The following POGLUT1 variants were observed in gnomAD, a reference collection of about 807,000 sequenced individuals.
POGLUT1 encodes the protein protein O-glucosyltransferase 1.
Under a neutral mutation model 61.3 loss-of-function variants are expected in POGLUT1, and 32 were observed. The observed-to-expected ratio is 0.52, with a 90% CI of 0.39 to 0.70. The LOEUF is 0.70. POGLUT1 is among the 30% of genes least tolerant of loss of function. The pLI is 0.00. For synonymous variants in POGLUT1, 158 were observed against 158.2 expected, an observed-to-expected ratio of 1.00 and a Z score of 0.01; for missense variants, 411 against 469.8, an observed-to-expected ratio of 0.87 and a Z score of 1.16.
intron 3 of POGLUT1, 93 bp downstream of exon 3, chr3:119,471,545 C>A: frequency 1.8e-6 from 2 of 1,085,730 alleles, no homozygotes; most frequent in Non-Finnish European, 2.8e-6. Flanking sequence ...GACTAACAAG[C>A]AGATCCCTCC....
chr3:119,469,384 T>C, intron 1 of POGLUT1: 1 of 570,944 alleles, frequency 1.8e-6, no homozygotes, highest in East Asian at 3.0e-5. Context: ...CGTGCTTGGC[T>C]ACTCTGGACC....
At chr3:119,486,364 G>T (rs927262797) in intron 6 of POGLUT1, among the ~76,000 whole-genome samples, 1 of 152,066 alleles carries the variant, frequency 6.6e-6, no homozygotes, top group Admixed American at 6.5e-5. Context: ...ACATACAGTC[G>T]TCAGGTTTTT....
chr3:119,479,877 C>T (rs1261514753), intron 4 of POGLUT1, 174 bp from the exon 5 acceptor site: 1 of 1,477,530 alleles, frequency 6.8e-7, no homozygotes, highest in Admixed American at 2.0e-5. Context: ...ACTTTTAATC[C>T]ATAGTCACTT....
At chr3:119,492,202 C>A in intron 10 of POGLUT1, 80 bp from the exon 11 acceptor site, 1 of 1,012,502 alleles carries the variant, frequency 9.9e-7, no homozygotes, top group Non-Finnish European at 1.4e-6. Context: ...ATGCTTGGCA[C>A]AAGGTGAGCA....
rs1468926334 is a variant in POGLUT1, at chr3:119,469,041, C to T, written c.20C>T (p.Ser7Leu). The change falls in exon 1 of 11, where the codon TCG becomes TTG. Residue 7 changes from serine to leucine, a missense_variant. Ser to Leu is a moderately radical substitution (Grantham distance 145). Coordinates refer to ENST00000295588, the MANE Select transcript of POGLUT1 (RefSeq NM_152305.3). ...CCGGCGATGGAGTGGTGGGCTAGCT[C>T]GCCGCTTCGGCTCTGGCTGCTGTTG... MEWWAS[S>L]PLRLWLLLFL... 4 of 1,609,086 alleles carry T rather than the reference C, an allele frequency of 2.5e-6. No individual in the cohort carries two copies. Among genetic ancestry groups the T allele is most frequent in the East Asian group, 2.2e-5 (1 of 44,708 alleles).
chr3:119,473,468 A>G (rs1321141207), intron 3 of POGLUT1, among the ~76,000 whole-genome samples: 1 of 152,176 alleles, frequency 6.6e-6, no homozygotes, highest in Non-Finnish European at 1.5e-5. Context: ...TTAGCAATAA[A>G]ATAATATATA....
chr3:119,471,919 G>A (rs1207868899), intron 3 of POGLUT1: 1 of 171,746 alleles, frequency 5.8e-6, no homozygotes, highest in Admixed American at 6.3e-5. Flanking sequence ...ACTTTGTGGT[G>A]GATTACTTGA....
At chr3:119,486,571 C>G (rs1429399103) in intron 6 of POGLUT1, among the ~76,000 whole-genome samples, 3 of 152,090 alleles carry the variant, frequency 2.0e-5, no homozygotes, top group Non-Finnish European at 4.4e-5. Context: ...CTATAGTGAC[C>G]TGAACAACAT....
chr3:119,477,574 G>T (rs2081553989), intron 4 of POGLUT1, 126 bp downstream of exon 4: 3 of 854,902 alleles, frequency 3.5e-6, no homozygotes, highest in African/African-American at 3.4e-5. Flanking sequence ...CCAGAAATGG[G>T]TCTGTGTCTC....
chr3:119,485,428 G>A (rs1417016398), intron 6 of POGLUT1, 41 bp downstream of exon 6: 1 of 1,361,560 alleles, frequency 7.3e-7, no homozygotes, highest in Non-Finnish European at 1.0e-6. Flanking sequence ...ATTCTTCCAA[G>A]TAATGTAAAA....
chr3:119,491,733 C>T (rs539853572), intron 10 of POGLUT1, among the ~76,000 whole-genome samples, 159 bp downstream of exon 10: 17 of 152,268 alleles, frequency 1.1e-4, no homozygotes, highest in Admixed American at 5.9e-4. Flanking sequence ...GGAAAACATA[C>T]ACACATGTCT....
chr3:119,478,951 G>A (rs774783287), intron 4 of POGLUT1, among the ~76,000 whole-genome samples: 2 of 151,036 alleles, frequency 1.3e-5, no homozygotes, highest in Non-Finnish European at 2.9e-5. Flanking sequence ...TTGAGGCAGA[G>A]TCTCACTCTG....
chr3:119,470,975 T>C (rs1320281498), intron 2 of POGLUT1, among the ~76,000 whole-genome samples: 1 of 151,912 alleles, frequency 6.6e-6, no homozygotes, highest in Non-Finnish European at 1.5e-5. Context: ...TCCTGTGGGA[T>C]TGGGAGGAGA....
chr3:119,471,527 A>G (rs936158749), intron 3 of POGLUT1, 75 bp downstream of exon 3: 3 of 1,299,404 alleles, frequency 2.3e-6, no homozygotes, highest in African/African-American at 1.5e-5. Context: ...AGAGGAGCCA[A>G]TTCATGGGAC....
intron 2 of POGLUT1, among the ~76,000 whole-genome samples, chr3:119,470,466 C>T (rs1288630453): frequency 6.6e-6 from 1 of 152,206 alleles, no homozygotes; most frequent in East Asian, 1.9e-4. Flanking sequence ...ATCCCAGCTA[C>T]TCGGGAGGCT....
intron 3 of POGLUT1, among the ~76,000 whole-genome samples, chr3:119,476,050 G>A (rs2081534202): frequency 6.6e-6 from 1 of 151,706 alleles, no homozygotes; most frequent in African/African-American, 2.4e-5. Context: ...CAGCTACTCA[G>A]GAGGCTGAGG....
intron 3 of POGLUT1, among the ~76,000 whole-genome samples, chr3:119,473,731 G>A (rs899344997): frequency 1.8e-4 from 27 of 151,504 alleles, no homozygotes; most frequent in Admixed American, 1.3e-3. Context: ...TGTGATCTCG[G>A]CTCACTGCAA....
rs2081471398 is a variant in POGLUT1 at position 119,471,378 on chromosome 3, A to G, written c.246A>G (p.Arg82=). 1 of 1,613,966 alleles carries G rather than the reference A, an allele frequency of 6.2e-7. No homozygotes were observed. The change falls in exon 3 of 11, where the codon AGA becomes AGG. Residue 82 remains arginine (R), a synonymous_variant. Coordinates refer to ENST00000295588, the MANE Select transcript of POGLUT1 (RefSeq NM_152305.3). ...GGAAGATGATGGCAGAGGTAGTCAG[A>G]CGGAAGCTAGGGACCCACTATCAGA... is the stretch of plus-strand genomic sequence containing the variant. ...ISRKMMAEVV[R]RKLGTHYQIT... is the part of the protein sequence containing the mutation.
intron 3 of POGLUT1, among the ~76,000 whole-genome samples, chr3:119,476,672 A>T (rs35282209): frequency 0.15 from 22,095 of 152,224 alleles, 2,007 homozygotes; most frequent in Non-Finnish European, 0.2. Flanking sequence ...AAACAAGCTA[A>T]ACTGTCAGTG....
Sources: allele counts gnomAD v4.1 joint callset (sites outside exome capture counted in the v4.1 genomes callset), GRCh38; gene constraint gnomAD v4.1.1; transcripts MANE v1.5; gene names NCBI Gene and HGNC (gene_info 2026-07-23, HGNC 2026-07-21).